The following RBFOX1 variants were observed in gnomAD, a reference collection of about 807,000 sequenced individuals.
The protein encoded by RBFOX1 is RNA binding fox-1 homolog 1, also known as RNA binding protein fox-1 homolog 1.
A neutral mutation model predicts 57.7 loss-of-function variants in RBFOX1; 8 were observed. The ratio of observed to expected loss-of-function variants is 0.14; its 90% CI spans 0.08 to 0.25. The LOEUF is 0.25. RBFOX1 is among the 10% of genes least tolerant of loss of function. RBFOX1 has a pLI of 1.00. For missense variants in RBFOX1, 611 were observed against 548.5 expected, an observed-to-expected ratio of 1.11 and a Z score of -1.14; for synonymous variants, 326 against 222.4, an observed-to-expected ratio of 1.47 and a Z score of -4.15.
chr16:7,631,859 T>G (rs994233623), intron 11 of RBFOX1, among the ~76,000 whole-genome samples: 1 of 152,148 alleles, frequency 6.6e-6, no homozygotes, highest in Non-Finnish European at 1.5e-5. Context: ...AAATATAATG[T>G]GACACACCCA....
chr16:6,488,033 C>T (rs1480089573), intron 2 of RBFOX1, among the ~76,000 whole-genome samples: 1 of 152,040 alleles, frequency 6.6e-6, no homozygotes, highest in African/African-American at 2.4e-5. Context: ...CATCTCCCAG[C>T]ACCATTTACT....
At chr16:5,497,802 G>A (rs1368213282) in intron 2 of RBFOX1, among the ~76,000 whole-genome samples, 4 of 151,822 alleles carry the variant, frequency 2.6e-5, no homozygotes, top group Admixed American at 6.6e-5. Flanking sequence ...CAAAAGAAAA[G>A]TTTACAGATT....
At chr16:5,442,069 G>T (rs79443966) in intron 1 of RBFOX1, among the ~76,000 whole-genome samples, 2,065 of 152,268 alleles carry the variant, frequency 0.014, 42 homozygotes, top group African/African-American at 0.046. Flanking sequence ...CATGCAGAGA[G>T]TTGGGGAGTT....
chr16:6,686,785 C>G (rs138380443), intron 3 of RBFOX1, among the ~76,000 whole-genome samples: 1 of 152,300 alleles, frequency 6.6e-6, no homozygotes, highest in Non-Finnish European at 1.5e-5. Context: ...ACACCCAACC[C>G]AGTTAACACA....
chr16:7,703,793 A>T (rs1026762376), intron 14 of RBFOX1, among the ~76,000 whole-genome samples: 1 of 152,210 alleles, frequency 6.6e-6, no homozygotes, highest in Admixed American at 6.5e-5. Flanking sequence ...AAGTTCAAGT[A>T]AGTATATCCA....
At chr16:5,588,683 T>C (rs2046910190) in intron 2 of RBFOX1, among the ~76,000 whole-genome samples, 1 of 152,084 alleles carries the variant, frequency 6.6e-6, no homozygotes, top group South Asian at 2.1e-4. Context: ...GGGCATTGAA[T>C]TGGGAGAGGC....
chr16:6,417,412 CT>C (rs35363634), intron 2 of RBFOX1, among the ~76,000 whole-genome samples: 375 of 116,128 alleles, frequency 3.2e-3, no homozygotes, highest in Middle Eastern at 6.0e-3. Flanking sequence ...AATGTGTTTA[CT>C]TTTTTTTTTT....
At position 7,267,202 on chromosome 16, in the gene RBFOX1, C is replaced by T. The variant is rs181323756; in HGVS notation, c.27+215104C>T. 2.5e-3 allele frequency among the ~76,000 whole-genome samples: 385 copies of T among 152,200 alleles called. 4 individuals are homozygous for T. The highest frequency in any genetic ancestry group is 8.8e-3 in the African/African-American group (367 of 41,546). On this transcript the variant is annotated intron_variant, in intron 4 of 15. Transcript: ENST00000550418. Reference sequence around the variant, plus strand: ...TTGCTTGAGGTCAGGTGTTTGAGACCAGCCTGGCCAACATGGCAAAACCCT... The same window carrying T: ...TTGCTTGAGGTCAGGTGTTTGAGACTAGCCTGGCCAACATGGCAAAACCCT...
intron 4 of RBFOX1, among the ~76,000 whole-genome samples, chr16:7,502,989 C>T (rs750522622): frequency 9.2e-5 from 14 of 152,080 alleles, no homozygotes; most frequent in Non-Finnish European, 1.6e-4. Context: ...CACCACTGCA[C>T]TCCAGCCTGG....
At chr16:5,401,778 T>TCTGCCGCTGTCA (rs1386531508) in intron 1 of RBFOX1, among the ~76,000 whole-genome samples, 300 of 141,010 alleles carry the variant, frequency 2.1e-3, no homozygotes, top group East Asian at 0.011. Context: ...CTCCTCCTCC[T>TCTGCCGCTGTCA]CCTCCTCCTC....
intron 4 of RBFOX1, among the ~76,000 whole-genome samples, chr16:7,361,943 T>C (rs749865400): frequency 6.6e-5 from 10 of 150,670 alleles, no homozygotes; most frequent in Non-Finnish European, 1.3e-4. Context: ...TGTATGTGTG[T>C]GCATGTTTTG....
At chr16:6,399,058 G>A (rs2092958381) in intron 2 of RBFOX1, among the ~76,000 whole-genome samples, 1 of 152,236 alleles carries the variant, frequency 6.6e-6, no homozygotes, top group African/African-American at 2.4e-5. Flanking sequence ...TGCACCCACA[G>A]GAGCAATACC....
At position 5,881,287 on chromosome 16, in the gene RBFOX1, C is replaced by G. The variant is rs151132174; in HGVS notation, c.351+13952C>G. On this transcript the variant is annotated intron_variant, in intron 4 of 19. Transcript: ENST00000641259. ...TGTTTGATTTTGTTGCATGTATTCA[C>G]TTGGTCTCTACCACCTTGTGGTAGT... 4.8e-3 allele frequency among the ~76,000 whole-genome samples: 736 copies of G among 152,308 alleles called. 25 individuals carry two copies. The highest frequency in any genetic ancestry group is 0.045 in the Admixed American group (683 of 15,302).
intron 2 of RBFOX1, among the ~76,000 whole-genome samples, chr16:5,497,636 A>AAAAAAAAAAAAAAAAAAAAAAC: frequency 6.7e-6 from 1 of 148,734 alleles, no homozygotes; most frequent in African/African-American, 2.6e-5. Flanking sequence ...AAAAAAAAAA[A>AAAAAAAAAAAAAAAAAAAAAAC]AAGCTGGGCA....
chr16:6,267,740 C>T (rs1598993176), intron 1 of RBFOX1, among the ~76,000 whole-genome samples: 1 of 152,056 alleles, frequency 6.6e-6, no homozygotes. Context: ...CAACTGAATT[C>T]GGGTACAAGT....
At position 7,582,026 on chromosome 16, in the gene RBFOX1, A is replaced by AC. The variant is rs5815414; in HGVS notation, c.414+2119dup. On this transcript the variant is annotated intron_variant, in intron 6 of 15. Transcript: ENST00000550418. ...ATGTGAGCTATTGCACCCATCCAGCACCCCCCCCCCCCCTTTTTTTTGTGA... is the reference window on the plus strand; with the variant it reads ...ATGTGAGCTATTGCACCCATCCAGCACCCCCCCCCCCCCCTTTTTTTTGTGA... Among the ~76,000 whole-genome samples the AC allele has an allele frequency of 2.0e-5, 3 of 146,818 alleles. No individual in the cohort carries two copies. In the East Asian group the frequency reaches 6.2e-4, roughly 30 times the overall value.
At chr16:7,020,106 T>C (rs1030126272) in intron 3 of RBFOX1, among the ~76,000 whole-genome samples, 21 of 152,162 alleles carry the variant, frequency 1.4e-4, no homozygotes, top group Non-Finnish European at 2.8e-4. Flanking sequence ...TCAAGGTATT[T>C]ACTACAATTG....
intron 3 of RBFOX1, among the ~76,000 whole-genome samples, chr16:6,847,213 A>G (rs1315617208): frequency 1.3e-5 from 2 of 152,160 alleles, no homozygotes; most frequent in African/African-American, 2.4e-5. Flanking sequence ...TTAATACTGC[A>G]TAACAACATT....
intron 4 of RBFOX1, among the ~76,000 whole-genome samples, chr16:7,356,618 T>A (rs1368122963): frequency 6.6e-6 from 1 of 152,200 alleles, no homozygotes; most frequent in South Asian, 2.1e-4. Flanking sequence ...ACTGGAAAGT[T>A]TTAAGCAGGG....
Sources: allele counts gnomAD v4.1 joint callset (sites outside exome capture counted in the v4.1 genomes callset), GRCh38; gene constraint gnomAD v4.1.1; transcripts MANE v1.5; gene names NCBI Gene and HGNC (gene_info 2026-07-23, HGNC 2026-07-21).